RASSF5: variants seen among roughly 807,000 people sequenced by gnomAD.
RASSF5 encodes Ras association domain family member 5.
Under a neutral mutation model 40.5 loss-of-function variants are expected in RASSF5, and 25 were observed. That is an observed-to-expected ratio of 0.62 (90% CI 0.45 to 0.86). RASSF5 has a LOEUF of 0.86. RASSF5 is among the 40% of genes least tolerant of loss of function. The probability of loss-of-function intolerance (pLI) is 0.00; values close to 1 mark genes in which losing one functional copy is unlikely to be tolerated. For synonymous variants in RASSF5, 246 were observed against 252.4 expected (o/e 0.97, Z 0.24); for missense variants, 521 against 572.8 (o/e 0.91, Z 0.92).
In RASSF5 at chr1:206,535,208, G is replaced by GA. The variant is rs550196291; in HGVS notation, c.458-2958dup. On this transcript the variant is annotated intron_variant, in intron 1 of 5. Coordinates refer to ENST00000579436, the MANE Select transcript of RASSF5 (RefSeq NM_182663.4). This position sits in a 1 kb window ranked among gnomAD's most constrained non-coding sequence, Gnocchi z 5.0. The stretch of plus-strand genomic sequence containing the variant: ...GCAGAGTGAAACCTTGCCTCAAAAA[G>GA]AAAAAACAAAAAACAAAACATAAAT... Among the ~76,000 whole-genome samples the GA allele has an allele frequency of 5.9e-4, 90 of 152,082 alleles. No homozygotes were observed. Among genetic ancestry groups the GA allele is most frequent in the African/African-American group, 2.0e-3 (82 of 41,500 alleles).
Position 206,589,041 on chromosome 1 carries a change from A to C in RASSF5, c.*2063A>C, listed in dbSNP as rs1170759998. ...TATGAAATGAGAAAATTATTGGACAATTCAGACTTTACTAAAGCACAGTTA... is the reference window on the plus strand; with the variant it reads ...TATGAAATGAGAAAATTATTGGACACTTCAGACTTTACTAAAGCACAGTTA... On this transcript the variant is annotated 3_prime_UTR_variant, in exon 6 of 6. Coordinates refer to ENST00000579436, the MANE Select transcript of RASSF5 (RefSeq NM_182663.4). The C allele has an allele frequency of 6.5e-6, 1 of 152,794 alleles. No individual in the cohort carries two copies. The highest frequency in any genetic ancestry group is 1.5e-5 in the Non-Finnish European group (1 of 68,052). The allele number at this position is 152,794 out of a possible 1,614,324, so 9.5% of individuals were successfully genotyped here.
chr1:206,533,641 G>C (rs565065744), intron 1 of RASSF5, among the ~76,000 whole-genome samples: 9 of 152,192 alleles, frequency 5.9e-5, no homozygotes, highest in South Asian at 2.1e-4. Flanking sequence ...TGTAGTCCTA[G>C]CTACTCAGGA....
chr1:206,554,602 T>A (rs1466566195), intron 2 of RASSF5, among the ~76,000 whole-genome samples: 3 of 152,180 alleles, frequency 2.0e-5, no homozygotes, highest in Non-Finnish European at 4.4e-5. Flanking sequence ...CTTTGTGCGA[T>A]CACATCTCAG....
chr1:206,557,676 A>C (rs782745953), intron 2 of RASSF5: 39 of 1,614,152 alleles, frequency 2.4e-5, no homozygotes, highest in South Asian at 2.4e-4. Context: ...AAATGCGCAG[A>C]GCAAACATCT....
chr1:206,579,759 A>T lies in RASSF5; in HGVS notation c.580-3510A>T, dbSNP rs1380198521. Among the ~76,000 whole-genome samples the T allele has an allele frequency of 2.6e-5, 4 of 152,228 alleles. No homozygotes were observed. The highest frequency in any genetic ancestry group is 9.6e-5 in the African/African-American group (4 of 41,454). On this transcript the variant is annotated intron_variant, in intron 2 of 5. Transcript: ENST00000579436. This position sits in a 1 kb window ranked among gnomAD's most constrained non-coding sequence, Gnocchi z 4.2. Reference sequence around the variant, plus strand: ...AGCTAAGTTTCTAAAGATCCCCCAGATGATTGCACTGTGCAGACAAGTTTA... The same window carrying T: ...AGCTAAGTTTCTAAAGATCCCCCAGTTGATTGCACTGTGCAGACAAGTTTA...
chr1:206,549,236 A>AT (rs1439125500), intron 2 of RASSF5, among the ~76,000 whole-genome samples: 1 of 151,088 alleles, frequency 6.6e-6, no homozygotes, highest in Non-Finnish European at 1.5e-5. Context: ...GCAAAGTCTA[A>AT]TCTGCCATTA....
intron 1 of RASSF5, among the ~76,000 whole-genome samples, chr1:206,517,984 A>G (rs782124074): frequency 2.0e-4 from 31 of 152,046 alleles, no homozygotes; most frequent in Non-Finnish European, 3.7e-4. Context: ...CACCATCCCC[A>G]AAGAAATCCA....
chr1:206,557,415 C>T, intron 2 of RASSF5: 1 of 1,394,390 alleles, frequency 7.2e-7, no homozygotes, highest in Non-Finnish European at 9.3e-7. Context: ...GGCCCGCCGG[C>T]TCTGCCTGGT....
chr1:206,555,363 G>A (rs983557634), intron 2 of RASSF5, among the ~76,000 whole-genome samples: 5 of 144,316 alleles, frequency 3.5e-5, no homozygotes, highest in African/African-American at 1.2e-4. Context: ...AGAATCTGGG[G>A]CCTGTTTTTT....
intron 2 of RASSF5, among the ~76,000 whole-genome samples, chr1:206,564,537 G>A (rs1201238828): frequency 6.6e-6 from 1 of 152,192 alleles, no homozygotes; most frequent in African/African-American, 2.4e-5. Flanking sequence ...AGGTCTTATT[G>A]CACACTGTCA....
chr1:206,574,955 G>A (rs1351990887), intron 2 of RASSF5, among the ~76,000 whole-genome samples: 1 of 150,476 alleles, frequency 6.6e-6, no homozygotes, highest in African/African-American at 2.5e-5. Context: ...TGCCTCCCAG[G>A]TTCAAGCGAT....
rs2102266061 is a variant in RASSF5 at position 206,587,993 on chromosome 1, C to T, written c.*1015C>T. ...CGACTCTGGGATCTCCAGGTGCTGC[C>T]CAAGGAGTTGCCTTGATTACAGAGA... On this transcript the variant is annotated 3_prime_UTR_variant, in exon 6 of 6. Coordinates refer to ENST00000579436, the MANE Select transcript of RASSF5 (RefSeq NM_182663.4). 1 of 153,084 alleles carries T rather than the reference C, an allele frequency of 6.5e-6. No individual in the cohort carries two copies. The highest frequency in any genetic ancestry group is 1.9e-4 in the East Asian group (1 of 5,320). The allele number at this position is 153,084 out of a possible 1,614,324, so 9.5% of individuals were successfully genotyped here. A position where few individuals can be genotyped will look rare whatever the true frequency, so the allele number is the denominator to read the frequency against.
chr1:206,527,500 G>A (rs1219361447), intron 1 of RASSF5, among the ~76,000 whole-genome samples: 1 of 152,090 alleles, frequency 6.6e-6, no homozygotes, highest in Non-Finnish European at 1.5e-5. Flanking sequence ...TCGCAGATAT[G>A]GTGTTCCAGA....
At chr1:206,523,117 C>A (rs1449388723) in intron 1 of RASSF5, among the ~76,000 whole-genome samples, 3 of 151,382 alleles carry the variant, frequency 2.0e-5, no homozygotes, top group Non-Finnish European at 4.4e-5. Context: ...CTAGCCTGGC[C>A]AACATGGTGA....
At chr1:206,549,125 C>T (rs35059830) in intron 2 of RASSF5, among the ~76,000 whole-genome samples, 76,336 of 151,384 alleles carry the variant, frequency 0.5, 19,754 homozygotes, top group East Asian at 0.74. Context: ...CTTGGCCTCT[C>T]AAAGTGCTGA....
At position 206,579,472 on chromosome 1, in the gene RASSF5, T is replaced by C. The variant is rs951250786; in HGVS notation, c.580-3797T>C. Among the ~76,000 whole-genome samples, 1 of 152,214 alleles carries C rather than the reference T, an allele frequency of 6.6e-6. No individual in the cohort carries two copies. Among genetic ancestry groups the C allele is most frequent in the Non-Finnish European group, 1.5e-5 (1 of 68,034 alleles). On this transcript the variant is annotated intron_variant, in intron 2 of 5. Transcript: ENST00000579436. This position sits in a 1 kb window ranked among gnomAD's most constrained non-coding sequence, Gnocchi z 4.2. ...CTTTGTCTTATCCTCTGAAGATTGC[T>C]ATAGTATCGATCTCGCTCTCATGGC...
At chr1:206,564,823 G>C (rs58229009) in intron 2 of RASSF5, among the ~76,000 whole-genome samples, 6,220 of 152,212 alleles carry the variant, frequency 0.041, 136 homozygotes, top group Admixed American at 0.051. Context: ...AAAGTGCCAC[G>C]AATCAGGAGC....
intron 2 of RASSF5, among the ~76,000 whole-genome samples, chr1:206,573,012 G>GATC (rs1243513188): frequency 3.3e-5 from 5 of 152,186 alleles, no homozygotes; most frequent in African/African-American, 9.7e-5. Context: ...TGAAGATGAT[G>GATC]ATGATCATGA....
intron 2 of RASSF5, among the ~76,000 whole-genome samples, chr1:206,566,084 C>T (rs78484618): frequency 0.032 from 4,813 of 152,286 alleles, 101 homozygotes; most frequent in Admixed American, 0.047. Context: ...TCATGCCTGA[C>T]AGATGTCGCT....
Sources: allele counts gnomAD v4.1 joint callset (sites outside exome capture counted in the v4.1 genomes callset), GRCh38; gene constraint gnomAD v4.1.1; non-coding constraint Gnocchi (gnomAD v3.1); transcripts MANE v1.5; gene names NCBI Gene and HGNC (gene_info 2026-07-23, HGNC 2026-07-21).